The following FRMD4A variants were observed in gnomAD, a reference collection of about 807,000 sequenced individuals.
FRMD4A encodes FERM domain-containing protein 4A.
In FRMD4A, 29 loss-of-function variants were observed where a neutral mutation model predicts 129.1. The observed-to-expected ratio is 0.22, with a 90% CI of 0.17 to 0.31. FRMD4A has a LOEUF of 0.31. Ranked by LOEUF, FRMD4A falls within the 10% of genes least tolerant of loss-of-function variation. The probability of loss-of-function intolerance (pLI) is 1.00; values close to 1 mark genes in which losing one functional copy is unlikely to be tolerated. For synonymous variants in FRMD4A, 634 were observed against 571.6 expected (o/e 1.11, Z -1.56); for missense variants, 1,272 against 1,375.8 (o/e 0.92, Z 1.19).
intron 2 of FRMD4A, among the ~76,000 whole-genome samples, chr10:14,000,667 A>AAAG (rs200369296): frequency 3.3e-4 from 35 of 106,740 alleles, no homozygotes; most frequent in African/African-American, 3.9e-4. Context: ...AAAAAAAAAA[A>AAAG]AGAGAAGAAA....
At chr10:13,876,034 GA>G (rs1319802978) in intron 2 of FRMD4A, among the ~76,000 whole-genome samples, 3 of 152,206 alleles carry the variant, frequency 2.0e-5, no homozygotes, top group Non-Finnish European at 2.9e-5. Flanking sequence ...AAGAACTTTT[GA>G]ACAAGCATCA....
intron 2 of FRMD4A, among the ~76,000 whole-genome samples, chr10:13,987,521 C>T (rs2095585945): frequency 6.6e-6 from 1 of 152,106 alleles, no homozygotes; most frequent in Non-Finnish European, 1.5e-5. Context: ...CTTGAGTTCG[C>T]CCAACGTCAG....
intron 2 of FRMD4A, among the ~76,000 whole-genome samples, chr10:14,304,256 T>A (rs1846275838): frequency 6.6e-6 from 1 of 152,236 alleles, no homozygotes; most frequent in Admixed American, 6.5e-5. Flanking sequence ...TCACCAACAG[T>A]GCGCAAGAGC....
chr10:14,066,007 T>TA (rs1324105184), intron 2 of FRMD4A, among the ~76,000 whole-genome samples: 3 of 134,000 alleles, frequency 2.2e-5, no homozygotes, highest in African/African-American at 8.5e-5. Flanking sequence ...GGGGTATGTA[T>TA]TTGTGTGTGT....
At chr10:13,774,403 A>G (rs1049100703) in intron 6 of FRMD4A, among the ~76,000 whole-genome samples, 3 of 152,182 alleles carry the variant, frequency 2.0e-5, no homozygotes, top group African/African-American at 7.2e-5. Context: ...CCTTTCTGCT[A>G]TTAAAGAGAT....
intron 2 of FRMD4A, among the ~76,000 whole-genome samples, chr10:14,229,218 T>G (rs1462319150): frequency 6.6e-6 from 1 of 152,156 alleles, no homozygotes; most frequent in Non-Finnish European, 1.5e-5. Flanking sequence ...TTCAATTTTT[T>G]TAAAAACCTA....
chr10:13,915,445 G>C (rs1238581779), intron 2 of FRMD4A, among the ~76,000 whole-genome samples: 1 of 151,992 alleles, frequency 6.6e-6, no homozygotes, highest in South Asian at 2.1e-4. Context: ...GGCTGAGGCG[G>C]GCGGATCACA....
At chr10:14,245,995 C>T (rs765903230) in intron 2 of FRMD4A, among the ~76,000 whole-genome samples, 3 of 152,146 alleles carry the variant, frequency 2.0e-5, no homozygotes, top group Non-Finnish European at 4.4e-5. Context: ...ACAGAACCTC[C>T]CTCCGTCATC....
intron 2 of FRMD4A, among the ~76,000 whole-genome samples, chr10:14,086,005 C>T (rs1313320884): frequency 6.6e-6 from 1 of 152,076 alleles, no homozygotes; most frequent in African/African-American, 2.4e-5. Context: ...ATATTTTATG[C>T]CGAGGTCTTT....
At chr10:14,162,647 T>G (rs371374263) in intron 2 of FRMD4A, among the ~76,000 whole-genome samples, 1,874 of 149,222 alleles carry the variant, frequency 0.013, 43 homozygotes, top group African/African-American at 0.043. Flanking sequence ...TTTTGTTTTT[T>G]TTTTTTTTTT....
chr10:13,824,228 A>C (rs932209102), intron 3 of FRMD4A, among the ~76,000 whole-genome samples: 4 of 151,490 alleles, frequency 2.6e-5, no homozygotes, highest in Admixed American at 1.3e-4. Flanking sequence ...CTGTAATCCC[A>C]GCACTAAGGG....
At chr10:13,813,143 T>G (rs1041935995) in intron 3 of FRMD4A, among the ~76,000 whole-genome samples, 1 of 152,342 alleles carries the variant, frequency 6.6e-6, no homozygotes, top group East Asian at 1.9e-4. Context: ...GTGTGGCTGC[T>G]TTTTAAATTG....
chr10:13,848,653 G>A (rs975365707), intron 3 of FRMD4A, among the ~76,000 whole-genome samples: 1 of 136,894 alleles, frequency 7.3e-6, no homozygotes, highest in African/African-American at 2.6e-5. Context: ...CGCGGCAGGG[G>A]GTTCCCTAGA....
intron 2 of FRMD4A, among the ~76,000 whole-genome samples, chr10:14,251,161 A>G (rs1006687330): frequency 4.6e-5 from 7 of 152,224 alleles, no homozygotes; most frequent in African/African-American, 1.7e-4. Context: ...AAAGTGGGAT[A>G]AACTTATGGA....
intron 2 of FRMD4A, among the ~76,000 whole-genome samples, chr10:13,892,680 C>A (rs1360578556): frequency 1.3e-5 from 2 of 152,162 alleles, no homozygotes; most frequent in African/African-American, 2.4e-5. Context: ...TGGGTAAAGT[C>A]TTTCTCTAGA....
Position 13,660,389 on chromosome 10 carries a change from T to G in FRMD4A, c.1825A>C (p.Lys609Gln). ...TCTAAAGAGGACTCACTCCACATTTTGGGCTTGATGGGTGACTTGTCATAG... is the reference window on the plus strand; with the variant it reads ...TCTAAAGAGGACTCACTCCACATTTGGGGCTTGATGGGTGACTTGTCATAG... ...NDYDKSPIKP[K>Q]MWSESSLDEP... Residue 609 changes from lysine to glutamine, a missense_variant, in exon 20 of 25, where the codon AAA (lysine) becomes CAA (glutamine). By Grantham distance (53) the Lys-to-Gln change is moderately conservative. Around this residue, in one of 2 missense-constraint regions of FRMD4A, gnomAD observed 972 missense variants for 892.3 expected, o/e 1.09. Transcript: ENST00000357447. 1 of 1,614,174 alleles carries G rather than the reference T, an allele frequency of 6.2e-7. No homozygotes were observed. Among genetic ancestry groups the G allele is most frequent in the South Asian group, 1.1e-5 (1 of 91,078 alleles).
At chr10:14,133,443 T>C (rs1457951149) in intron 2 of FRMD4A, among the ~76,000 whole-genome samples, 3 of 152,204 alleles carry the variant, frequency 2.0e-5, no homozygotes, top group Admixed American at 2.0e-4. Context: ...GGGTCCCTTA[T>C]GCATGACAGC....
At chr10:14,176,621 C>T (rs939291284) in intron 2 of FRMD4A, among the ~76,000 whole-genome samples, 1 of 151,832 alleles carries the variant, frequency 6.6e-6, no homozygotes, top group Non-Finnish European at 1.5e-5. Flanking sequence ...ATTATAGGCA[C>T]GCACCACCAC....
At chr10:13,880,013 A>C (rs1249486990) in intron 2 of FRMD4A, among the ~76,000 whole-genome samples, 2 of 151,876 alleles carry the variant, frequency 1.3e-5, no homozygotes, top group Admixed American at 6.6e-5. Flanking sequence ...ATGTCATCAT[A>C]CTCAGTTCTG....
Sources: gnomAD v4.1 joint callset for allele counts (sites outside exome capture counted in the v4.1 genomes callset) on GRCh38, gnomAD v4.1.1 for gene constraint, gnomAD v4.1.1 regional missense constraint, MANE v1.5 for transcripts, NCBI Gene and HGNC (gene_info 2026-07-23, HGNC 2026-07-21) for gene names.